The following OCLN variants were observed in gnomAD, a reference collection of about 807,000 sequenced individuals.
OCLN encodes occludin, also known as phosphatase 1, regulatory subunit 115.
In OCLN, 21 loss-of-function variants were observed where a neutral mutation model predicts 47.9. The observed-to-expected ratio is 0.44, with a 90% CI of 0.31 to 0.63. The LOEUF (loss-of-function observed/expected upper bound fraction) is 0.63. OCLN is among the 30% of genes least tolerant of loss of function. The pLI, the probability that OCLN is intolerant of heterozygous loss-of-function variation, is 0.08. For missense variants in OCLN, 360 were observed against 571.0 expected (o/e 0.63, Z 3.77); for synonymous variants, 117 against 198.4 (o/e 0.59, Z 3.45).
At chr5:69,537,189 CTTTTTTTTT>C (rs1157355945) in intron 5 of OCLN, among the ~76,000 whole-genome samples, 10,687 of 80,608 alleles carry the variant, frequency 0.13, 1,773 homozygotes, top group African/African-American at 0.39. Flanking sequence ...ATTCTATAAG[CTTTTTTTTT>C]TTTTTTTTTT....
intron 2 of OCLN, among the ~76,000 whole-genome samples, chr5:69,508,661 G>A (rs1220059464): frequency 2.0e-5 from 3 of 152,144 alleles, no homozygotes; most frequent in African/African-American, 7.2e-5. Context: ...CATTTCAAGT[G>A]TATGATAGAC....
chr5:69,501,746 A>G (rs1005992608), intron 1 of OCLN, among the ~76,000 whole-genome samples: 2 of 152,194 alleles, frequency 1.3e-5, no homozygotes, highest in Non-Finnish European at 2.9e-5. Flanking sequence ...TTAAAAATGT[A>G]GAAAAGTCAT....
rs1242581260 is a variant in OCLN, at chr5:69,553,563, T to A, written c.1468-7T>A. 2 of 1,613,056 alleles carry A rather than the reference T, an allele frequency of 1.2e-6. No homozygotes were observed. The highest frequency in any genetic ancestry group is 1.3e-5 in the African/African-American group (1 of 74,812). On this transcript the variant is annotated splice_region_variant and splice_polypyrimidine_tract_variant and intron_variant, in intron 8 of 8. Transcript: ENST00000396442. Reference sequence around the variant, plus strand: ...GAATTTATGTGATTCATTTTCTCCCTTTTTAGTCTGCAGATTACAAAAGTA... The same window carrying A: ...GAATTTATGTGATTCATTTTCTCCCATTTTAGTCTGCAGATTACAAAAGTA...
chr5:69,549,843 C>T (rs1209112500), intron 7 of OCLN, among the ~76,000 whole-genome samples: 9 of 151,370 alleles, frequency 5.9e-5, no homozygotes, highest in African/African-American at 9.7e-5. Context: ...TAATTGTTCT[C>T]GCTTTGACGG....
In OCLN at chr5:69,504,814, A is replaced by G. The variant is rs148483571; in HGVS notation, c.50+520A>G. On this transcript the variant is annotated intron_variant, in intron 2 of 8. Coordinates refer to ENST00000396442, the MANE Select transcript of OCLN (RefSeq NM_001205254.2). ...GCTGGCTGTGGTGGCGCGCACCTCT[A>G]ATCCCAGCTACTTGCCTGTAATCCC... Among the ~76,000 whole-genome samples, 365 of 152,128 alleles carry G rather than the reference A, an allele frequency of 2.4e-3. 2 individuals are homozygous for G. Among genetic ancestry groups the G allele is most frequent in the African/African-American group, 8.4e-3 (347 of 41,496 alleles).
intron 1 of OCLN, among the ~76,000 whole-genome samples, chr5:69,494,663 G>A (rs1260590804): frequency 6.6e-6 from 1 of 152,202 alleles, no homozygotes; most frequent in Non-Finnish European, 1.5e-5. Context: ...GGTAAGACAT[G>A]ATTCTCCACC....
rs1246831961 is a variant in OCLN at position 69,553,959 on chromosome 5, C to A, written c.*288C>A. On this transcript the variant is annotated 3_prime_UTR_variant, in exon 9 of 9. Transcript: ENST00000396442. ...CCTTAAAGGAAGGTTCTGGTGTGAACTAAACTTTCACACCCCAGACGATGT... is the reference window on the plus strand; with the variant it reads ...CCTTAAAGGAAGGTTCTGGTGTGAAATAAACTTTCACACCCCAGACGATGT... 1 of 286,212 alleles carries A rather than the reference C, an allele frequency of 3.5e-6. No individual in the cohort carries two copies. Among genetic ancestry groups the A allele is most frequent in the Non-Finnish European group, 6.5e-6 (1 of 153,098 alleles). 17.7% of individuals were successfully genotyped at this position (286,212 alleles called of 1,614,324 possible). A position where few individuals can be genotyped will look rare whatever the true frequency, so the allele number is the denominator to read the frequency against.
rs1243291111 is a variant in OCLN, at chr5:69,509,672, A to G, written c.582A>G (p.Ile194Met). 2 of 1,614,180 alleles carry G rather than the reference A, an allele frequency of 1.2e-6. No homozygotes were observed. The highest frequency in any genetic ancestry group is 1.7e-6 in the Non-Finnish European group (2 of 1,180,030). Reference sequence around the variant, plus strand: ...TGTTTATTGCCACAATTGTCTATATAATGGGAGTGAACCCAACTGCTCAGT... The same window carrying G: ...TGTTTATTGCCACAATTGTCTATATGATGGGAGTGAACCCAACTGCTCAGT... ...IMVFIATIVY[I>M]MGVNPTAQSS... Residue 194 changes from isoleucine (I) to methionine (M), a missense_variant, in exon 3 of 9, where the codon ATA becomes ATG. Around this residue, in one of 3 missense-constraint regions of OCLN, gnomAD observed 314 missense variants for 368.1 expected, o/e 0.85. Transcript: ENST00000396442.
In OCLN at chr5:69,532,999, A is replaced by G. The variant is rs373426897; in HGVS notation, c.892-1695A>G. On this transcript the variant is annotated intron_variant, in intron 4 of 8. Transcript: ENST00000396442. ...AATATATATATATATGTATGCATGT[A>G]TGTGTGTGTGTGTGTGTGTGTGTGT... Among the ~76,000 whole-genome samples the G allele has an allele frequency of 2.6e-3, 364 of 137,614 alleles. 1 individual carries two copies. The highest frequency in any genetic ancestry group is 8.1e-3 in the African/African-American group (299 of 36,742). The allele number at this position is 137,614 out of a possible 152,430, so 90.3% of individuals were successfully genotyped here.
At chr5:69,495,311 G>C (rs1038698826) in intron 1 of OCLN, among the ~76,000 whole-genome samples, 2 of 152,138 alleles carry the variant, frequency 1.3e-5, no homozygotes, top group African/African-American at 4.8e-5. Context: ...AGTGATTCCA[G>C]TCTTGGCTGT....
At chr5:69,497,121 G>A (rs1458519418) in intron 1 of OCLN, among the ~76,000 whole-genome samples, 1 of 152,098 alleles carries the variant, frequency 6.6e-6, no homozygotes, top group African/African-American at 2.4e-5. Context: ...AATAACTTAA[G>A]CTTTGCATAA....
At chr5:69,523,858 G>A (rs1769208874) in intron 4 of OCLN, among the ~76,000 whole-genome samples, 1 of 152,036 alleles carries the variant, frequency 6.6e-6, no homozygotes, top group Non-Finnish European at 1.5e-5. Flanking sequence ...TTTAAAAACT[G>A]GACTTTAAGG....
intron 3 of OCLN, among the ~76,000 whole-genome samples, chr5:69,511,742 G>C (rs1362308419): frequency 2.6e-5 from 4 of 151,210 alleles, no homozygotes; most frequent in Non-Finnish European, 5.9e-5. Context: ...TTTTAGTTTT[G>C]GGCCGGGCAT....
chr5:69,515,192 C>G (rs1165739061), intron 4 of OCLN, among the ~76,000 whole-genome samples: 1 of 135,312 alleles, frequency 7.4e-6, no homozygotes, highest in Non-Finnish European at 1.6e-5. Flanking sequence ...GGCGGCTGGC[C>G]GGGCAGAGGG....
In OCLN at chr5:69,509,578, C is replaced by G. The variant is rs1267876764; in HGVS notation, c.488C>G (p.Ser163Cys). Residue 163 changes from serine to cysteine, a missense_variant, in exon 3 of 9, where the codon TCT (serine) becomes TGT (cysteine). Ser to Cys is a moderately radical substitution (Grantham distance 112, BLOSUM62 -1). Coordinates refer to ENST00000396442, the MANE Select transcript of OCLN (RefSeq NM_001205254.2). ...LVIFVTSVIR[S>C]EMSRTRRYYL... ...ATCTTTGTTACCAGTGTTATAAGAT[C>G]TGAAATGTCCAGAACAAGAAGATAC... 1.1e-5 allele frequency: 18 copies of G among 1,614,128 alleles called. No individual in the cohort carries two copies. The highest frequency in any genetic ancestry group is 1.4e-5 in the Non-Finnish European group (17 of 1,180,018).
rs1157355945 is a variant in OCLN at position 69,537,189 on chromosome 5, C to CTTT, written c.1037+2370_1037+2372dup. 1.1e-3 allele frequency among the ~76,000 whole-genome samples: 86 copies of CTTT among 80,598 alleles called. 2 individuals carry two copies. Among genetic ancestry groups the CTTT allele is most frequent in the East Asian group, 3.2e-3 (6 of 1,892 alleles). The allele number at this position is 80,598 out of a possible 152,430, so 52.9% of individuals were successfully genotyped here. A position where few individuals can be genotyped will look rare whatever the true frequency, so the allele number is the denominator to read the frequency against. On this transcript the variant is annotated intron_variant, in intron 5 of 8. Transcript: ENST00000396442. ...AGAAGTATTTTCCTTATTCTATAAG[C>CTTT]TTTTTTTTTTTTTTTTTTTTTTGGT...
Position 69,517,033 on chromosome 5 carries a change from C to G in OCLN, c.891+2924C>G, listed in dbSNP as rs2112007084. Among the ~76,000 whole-genome samples, 3 of 152,254 alleles carry G rather than the reference C, an allele frequency of 2.0e-5. No individual in the cohort carries two copies. The Middle Eastern group carries it at 0.01, about 518-fold the overall frequency. On this transcript the variant is annotated intron_variant, in intron 4 of 8. Transcript: ENST00000396442. ...TGTTATTCTGCCACTGGCACTCTTG[C>G]CTGGATGGCAGAGTGAGACCCTGTC...
rs888275951 is a variant in OCLN at position 69,508,631 on chromosome 5, G to A, written c.51-510G>A. The stretch of plus-strand genomic sequence containing the variant: ...GCTGGGATTACAGACATGAGCCACC[G>A]TGCCCAGCCGGACTAGATACATTTC... On this transcript the variant is annotated intron_variant, in intron 2 of 8. Transcript: ENST00000396442. Among the ~76,000 whole-genome samples, 6 of 152,120 alleles carry A rather than the reference G, an allele frequency of 3.9e-5. No individual in the cohort carries two copies. In the East Asian group the frequency reaches 7.7e-4, roughly 20 times the overall value.
At chr5:69,503,315 C>G (rs912987490) in intron 1 of OCLN, among the ~76,000 whole-genome samples, 1 of 152,198 alleles carries the variant, frequency 6.6e-6, no homozygotes, top group Non-Finnish European at 1.5e-5. Context: ...CTCCCTGTTT[C>G]CTACCTGAAG....
Sources: allele counts gnomAD v4.1 joint callset (sites outside exome capture counted in the v4.1 genomes callset), GRCh38; gene constraint gnomAD v4.1.1; regional missense constraint gnomAD v4.1.1; transcripts MANE v1.5; gene names NCBI Gene and HGNC (gene_info 2026-07-23, HGNC 2026-07-21).